The following ZFC3H1 variants were observed in gnomAD, a reference collection of about 807,000 sequenced individuals.
ZFC3H1 encodes zinc finger C3H1 domain-containing protein.
ZFC3H1 carries 71 observed loss-of-function variants against 243.7 expected under a neutral mutation model. That is an observed-to-expected ratio of 0.29 (90% CI 0.24 to 0.36). The LOEUF (loss-of-function observed/expected upper bound fraction) is 0.36, where lower values mean the gene tolerates loss of function less well. Among genes scored for constraint, ZFC3H1 ranks in the 10% least tolerant of loss-of-function variants. The pLI is 1.00. For synonymous variants in ZFC3H1, 838 were observed against 813.0 expected, an observed-to-expected ratio of 1.03 and a Z score of -0.52; for missense variants, 1,966 against 2,317.1, an observed-to-expected ratio of 0.85 and a Z score of 3.11.
intron 1 of ZFC3H1, 73 bp from the exon 2 acceptor site, chr12:71,657,374 T>C (rs1881048048): frequency 1.8e-6 from 2 of 1,094,890 alleles, no homozygotes; most frequent in Non-Finnish European, 1.3e-6. Flanking sequence ...ACTTAGATTA[T>C]AGATGAATTT....
chr12:71,621,408 A>G (rs1195473998), intron 24 of ZFC3H1, among the ~76,000 whole-genome samples: 1 of 151,822 alleles, frequency 6.6e-6, no homozygotes, highest in Non-Finnish European at 1.5e-5. Context: ...GGTTCAGGCA[A>G]TTATCCTGCC....
chr12:71,627,985 T>C, intron 20 of ZFC3H1, 51 bp from the exon 21 acceptor site: 4 of 1,539,530 alleles, frequency 2.6e-6, no homozygotes, highest in Non-Finnish European at 2.6e-6. Context: ...AGTCCACAGA[T>C]GCAAGAAAAA....
intron 7 of ZFC3H1, 66 bp downstream of exon 7, chr12:71,638,352 C>T (rs982763474): frequency 3.8e-5 from 56 of 1,487,164 alleles, no homozygotes; most frequent in Middle Eastern, 3.6e-4. Flanking sequence ...CCTAACCATT[C>T]GTTTTTAAAA....
chr12:71,610,469 A>G lies in ZFC3H1; in HGVS notation c.5929T>C (p.Leu1977=). 2 of 1,613,618 alleles carry G rather than the reference A, an allele frequency of 1.2e-6. No homozygotes were observed. Among genetic ancestry groups the G allele is most frequent in the African/African-American group, 1.3e-5 (1 of 75,034 alleles). Residue 1977 remains leucine, a synonymous_variant, in exon 35 of 35, where the codon TTA becomes CTA. Coordinates refer to ENST00000378743, the MANE Select transcript of ZFC3H1 (RefSeq NM_144982.5). ...TCTGTTTTGTTACTGTTTAAATTTA[A>G]GAGCTCATTTAGGCTGACTCCAATC... ...QEIGVSLNEL[L]NLNSNKTESK...
chr12:71,642,250 G>A (rs192108948), intron 6 of ZFC3H1, among the ~76,000 whole-genome samples, 186 bp downstream of exon 6: 2 of 152,230 alleles, frequency 1.3e-5, no homozygotes, highest in Admixed American at 1.3e-4. Context: ...CGGAAATAAA[G>A]GTTAATATTA....
At chr12:71,628,497 C>T (rs1205621543) in intron 20 of ZFC3H1, among the ~76,000 whole-genome samples, 1 of 152,222 alleles carries the variant, frequency 6.6e-6, no homozygotes, top group African/African-American at 2.4e-5. Flanking sequence ...TTAGTTCATT[C>T]ATCATTTGTT....
chr12:71,622,173 G>A (rs1880047485), intron 24 of ZFC3H1, among the ~76,000 whole-genome samples: 1 of 152,096 alleles, frequency 6.6e-6, no homozygotes, highest in African/African-American at 2.4e-5. Context: ...TCCCCTAACA[G>A]TAATGTCCTT....
At chr12:71,654,270 T>C (rs1260034542) in intron 2 of ZFC3H1, among the ~76,000 whole-genome samples, 1 of 151,854 alleles carries the variant, frequency 6.6e-6, no homozygotes, top group Non-Finnish European at 1.5e-5. Flanking sequence ...TGAGACCCCG[T>C]CTCTACAGAA....
intron 2 of ZFC3H1, among the ~76,000 whole-genome samples, chr12:71,653,560 T>A (rs1464843724): frequency 1.3e-5 from 2 of 151,948 alleles, no homozygotes; most frequent in East Asian, 3.9e-4. Context: ...TAAAAAGAAA[T>A]CTACAATCAG....
intron 31 of ZFC3H1, 115 bp downstream of exon 31, chr12:71,613,220 T>C: frequency 1.5e-6 from 1 of 651,768 alleles, no homozygotes; most frequent in Non-Finnish European, 2.4e-6. Flanking sequence ...GCAGTATATA[T>C]TCATGAGGAC....
intron 6 of ZFC3H1, among the ~76,000 whole-genome samples, chr12:71,641,245 A>C (rs969338943): frequency 1.1e-4 from 16 of 152,220 alleles, no homozygotes; most frequent in African/African-American, 3.6e-4. Context: ...AGATTGACCA[A>C]AGCAAGTTAA....
chr12:71,627,700 A>C (rs375009405), intron 21 of ZFC3H1, 51 bp downstream of exon 21: 6 of 1,532,946 alleles, frequency 3.9e-6, no homozygotes, highest in Non-Finnish European at 5.3e-6. Flanking sequence ...AACCTCAAAC[A>C]TAAAAATATA....
chr12:71,631,581 T>C (rs17110047), intron 16 of ZFC3H1, among the ~76,000 whole-genome samples, 197 bp downstream of exon 16: 4,966 of 152,266 alleles, frequency 0.033, 284 homozygotes, highest in African/African-American at 0.11. Context: ...TGGAATTTGA[T>C]ACGAACTGAT....
chr12:71,638,481 T>G lies in ZFC3H1; in HGVS notation c.1662A>C (p.Glu554Asp), dbSNP rs368822631. Reference sequence around the variant, plus strand: ...CTGGAGAAAAATACCCCAATGAACATTCAGAGAAAAATGGCGGTTGCACTG... The same window carrying G: ...CTGGAGAAAAATACCCCAATGAACAGTCAGAGAAAAATGGCGGTTGCACTG... ...PSPVQPPFFS[E>D]CSLGYFSPAP... The change falls in exon 7 of 35, where the codon GAA (glutamate) becomes GAC (aspartate). Residue 554 changes from glutamate to aspartate, a missense_variant. Physicochemically the swap from Glu to Asp is conservative, Grantham distance 45 (BLOSUM62 2). Coordinates refer to ENST00000378743, the MANE Select transcript of ZFC3H1 (RefSeq NM_144982.5). 7 of 1,612,234 alleles carry G rather than the reference T, an allele frequency of 4.3e-6. No homozygotes were observed. The highest frequency in any genetic ancestry group is 4.2e-6 in the Non-Finnish European group (5 of 1,179,528).
At chr12:71,623,279 G>T in intron 24 of ZFC3H1, 81 bp downstream of exon 24, 1 of 1,182,012 alleles carries the variant, frequency 8.5e-7, no homozygotes, top group South Asian at 1.7e-5. Context: ...TAATTACAGA[G>T]AATCACAATA....
rs999701421 is a variant in ZFC3H1 at position 71,646,580 on chromosome 12, G to A, written c.1080+1169C>T. On this transcript the variant is annotated intron_variant, in intron 3 of 34. Transcript: ENST00000378743. Reference sequence around the variant, plus strand: ...TAACTAAAATAAAGCTATCCTCACTGTTCCATTGAGACAAAGTCTTTTTGT... The same window carrying A: ...TAACTAAAATAAAGCTATCCTCACTATTCCATTGAGACAAAGTCTTTTTGT... Among the ~76,000 whole-genome samples the A allele has an allele frequency of 2.0e-5, 3 of 152,112 alleles. No individual in the cohort carries two copies. The East Asian group carries it at 5.8e-4, about 29-fold the overall frequency.
At chr12:71,649,108 A>G (rs922342372) in intron 2 of ZFC3H1, among the ~76,000 whole-genome samples, 8 of 151,402 alleles carry the variant, frequency 5.3e-5, no homozygotes, top group Non-Finnish European at 2.9e-5. Flanking sequence ...AAAAAAAAAA[A>G]AAGAAAAGAA....
chr12:71,623,818 A>G (rs912890140), intron 23 of ZFC3H1, among the ~76,000 whole-genome samples: 1 of 152,178 alleles, frequency 6.6e-6, no homozygotes, highest in East Asian at 1.9e-4. Context: ...CATCAGACTG[A>G]TTTTTTTCCT....
chr12:71,657,152 A>G lies in ZFC3H1; in HGVS notation c.748T>C (p.Leu250=), dbSNP rs1297821976. ...ECINKDEKLA[L]SSKEENVQED... is the part of the protein sequence containing the mutation. The stretch of plus-strand genomic sequence containing the variant: ...TGCACATTCTCTTCTTTGCTACTCA[A>G]TGCTAGTTTTTCATCCTTATTGATG... Residue 250 remains leucine, a synonymous_variant, in exon 2 of 35, where the codon TTG becomes CTG. Transcript: ENST00000378743. 6.2e-7 allele frequency: 1 copy of G among 1,613,782 alleles called. No homozygotes were observed. Among genetic ancestry groups the G allele is most frequent in the African/African-American group, 1.3e-5 (1 of 74,910 alleles).
Sources: allele counts gnomAD v4.1 joint callset (sites outside exome capture counted in the v4.1 genomes callset), GRCh38; gene constraint gnomAD v4.1.1; transcripts MANE v1.5; gene names NCBI Gene and HGNC (gene_info 2026-07-23, HGNC 2026-07-21).